Variants in MSRB3 observed in about 807,000 individuals in gnomAD.
The protein encoded by MSRB3 is methionine-R-sulfoxide reductase B3.
Under a neutral mutation model 21.0 loss-of-function variants are expected in MSRB3, and 13 were observed. That is an observed-to-expected ratio of 0.62 (90% CI 0.40 to 0.98). The LOEUF (loss-of-function observed/expected upper bound fraction) is 0.98. MSRB3 is among the 50% of genes least tolerant of loss of function. The probability of loss-of-function intolerance (pLI) is 0.00; values close to 1 mark genes in which losing one functional copy is unlikely to be tolerated. For missense variants in MSRB3, 199 were observed against 230.3 expected, an observed-to-expected ratio of 0.86 and a Z score of 0.88; for synonymous variants, 87 against 88.6, an observed-to-expected ratio of 0.98 and a Z score of 0.10.
chr12:65,302,365 A>G (rs1186100927), intron 1 of MSRB3, among the ~76,000 whole-genome samples: 1 of 152,142 alleles, frequency 6.6e-6, no homozygotes, highest in Non-Finnish European at 1.5e-5. Context: ...GCTGGAAGCA[A>G]TTCTCTTTCC....
chr12:65,278,763 C>T lies in MSRB3; in HGVS notation c.-154C>T, dbSNP rs1358892818. ...CGGACACCGGCGGCGGCTGCCTGGCCTTTCCATGAGCCCGCGGCGGACCCT... is the reference window on the plus strand; with the variant it reads ...CGGACACCGGCGGCGGCTGCCTGGCTTTTCCATGAGCCCGCGGCGGACCCT... On this transcript the variant is annotated 5_prime_UTR_variant, in exon 1 of 7. Transcript: ENST00000308259. The T allele has an allele frequency of 2.3e-5, 37 of 1,578,374 alleles. No individual in the cohort carries two copies. The highest frequency in any genetic ancestry group is 3.1e-5 in the Non-Finnish European group (36 of 1,163,792).
chr12:65,292,850 A>G (rs1202257022), intron 1 of MSRB3, among the ~76,000 whole-genome samples: 2 of 152,244 alleles, frequency 1.3e-5, no homozygotes, highest in East Asian at 1.9e-4. Flanking sequence ...AGCCAACCTG[A>G]GAAATACTGG....
At chr12:65,391,358 C>G (rs1281721110) in intron 5 of MSRB3, among the ~76,000 whole-genome samples, 1 of 152,190 alleles carries the variant, frequency 6.6e-6, no homozygotes, top group Admixed American at 6.5e-5. Context: ...GAGTTGGCTC[C>G]TTCCCCAGAA....
At position 65,353,688 on chromosome 12, in the gene MSRB3, G is replaced by A. The variant is rs1171190606; in HGVS notation, c.264-15310G>A. On this transcript the variant is annotated intron_variant, in intron 4 of 6. Coordinates refer to ENST00000308259, the MANE Select transcript of MSRB3 (RefSeq NM_001031679.3). ...TCTTGACTCTTTATCCAATTTGCCA[G>A]TCTGTGTCTTTTCATTGGAGCATTT... 3.3e-5 allele frequency among the ~76,000 whole-genome samples: 5 copies of A among 152,110 alleles called. No individual in the cohort carries two copies. In the South Asian group the frequency reaches 1.0e-3, roughly 32 times the overall value.
chr12:65,340,705 G>A (rs1264747188), intron 4 of MSRB3, among the ~76,000 whole-genome samples: 1 of 151,940 alleles, frequency 6.6e-6, no homozygotes, highest in Non-Finnish European at 1.5e-5. Context: ...AAGAAAGAAG[G>A]GAGGAAAAGT....
chr12:65,332,206 C>T (rs1180423494), intron 4 of MSRB3, among the ~76,000 whole-genome samples: 1 of 152,098 alleles, frequency 6.6e-6, no homozygotes, highest in Non-Finnish European at 1.5e-5. Flanking sequence ...CAAAACCACT[C>T]ACTAGTCTAG....
chr12:65,375,801 CT>C (rs901816220), intron 5 of MSRB3, among the ~76,000 whole-genome samples: 77 of 145,650 alleles, frequency 5.3e-4, no homozygotes, highest in East Asian at 1.2e-3. Context: ...ACTTAGGAAG[CT>C]TTTTTTTTTT....
chr12:65,465,125 A>G lies in MSRB3; in HGVS notation c.*1803A>G, dbSNP rs1485171726. The G allele has an allele frequency of 6.6e-6, 1 of 152,272 alleles. No homozygotes were observed. The highest frequency in any genetic ancestry group is 2.4e-5 in the African/African-American group (1 of 41,474). The allele number at this position is 152,272 out of a possible 1,614,324, so 9.4% of individuals were successfully genotyped here. ...TGATTGGTATGGAAACAGTTGGGCC[A>G]AGAGCCAGAATTTCCCTTTGTAGCA... On this transcript the variant is annotated 3_prime_UTR_variant, in exon 7 of 7. Transcript: ENST00000308259.
chr12:65,433,928 T>C lies in MSRB3; in HGVS notation c.293-19800T>C, dbSNP rs563549427. On this transcript the variant is annotated intron_variant, in intron 5 of 6. Coordinates refer to ENST00000308259, the MANE Select transcript of MSRB3 (RefSeq NM_001031679.3). ...GAACCACCTGATCTGCAGGGAGTAC[T>C]TGATCTCTTCCTTTATTTTCAAAGA... 1.1e-4 allele frequency among the ~76,000 whole-genome samples: 17 copies of C among 151,996 alleles called. No homozygotes were observed. The South Asian group carries it at 3.3e-3, about 30-fold the overall frequency.
intron 4 of MSRB3, among the ~76,000 whole-genome samples, chr12:65,339,405 T>G (rs1274846642): frequency 6.6e-6 from 1 of 152,236 alleles, no homozygotes; most frequent in Non-Finnish European, 1.5e-5. Flanking sequence ...GAATGGTAAA[T>G]CTAGCTCTAA....
chr12:65,423,121 C>T (rs145885482), intron 5 of MSRB3, among the ~76,000 whole-genome samples: 23 of 151,886 alleles, frequency 1.5e-4, no homozygotes, highest in Non-Finnish European at 3.4e-4. Flanking sequence ...TGCCACCATG[C>T]CTGACTAATT....
At chr12:65,420,273 T>G (rs1881217744) in intron 5 of MSRB3, among the ~76,000 whole-genome samples, 1 of 152,182 alleles carries the variant, frequency 6.6e-6, no homozygotes, top group African/African-American at 2.4e-5. Flanking sequence ...GCCAGTACCA[T>G]GCTGTTTTGT....
intron 5 of MSRB3, among the ~76,000 whole-genome samples, chr12:65,431,856 G>T (rs892000540): frequency 1.3e-5 from 2 of 152,064 alleles, no homozygotes; most frequent in African/African-American, 4.8e-5. Flanking sequence ...AGTATGCACA[G>T]AAGAGACTGA....
chr12:65,330,968 G>A (rs552502815), intron 4 of MSRB3, among the ~76,000 whole-genome samples: 2 of 151,800 alleles, frequency 1.3e-5, no homozygotes, highest in Non-Finnish European at 2.9e-5. Flanking sequence ...TCTTTTTTTC[G>A]GACACAGAAT....
chr12:65,412,703 G>C (rs1880779119), intron 5 of MSRB3, among the ~76,000 whole-genome samples: 1 of 152,044 alleles, frequency 6.6e-6, no homozygotes, highest in Non-Finnish European at 1.5e-5. Flanking sequence ...CAGTCTCTAT[G>C]GTAAGTTGTT....
intron 5 of MSRB3, among the ~76,000 whole-genome samples, chr12:65,425,923 CTT>C (rs1287144262): frequency 6.6e-6 from 1 of 152,052 alleles, no homozygotes; most frequent in African/African-American, 2.4e-5. Context: ...GTGGTGTGAT[CTT>C]GGCTCACTGA....
chr12:65,449,821 G>A (rs148801789), intron 5 of MSRB3, among the ~76,000 whole-genome samples: 7 of 152,220 alleles, frequency 4.6e-5, no homozygotes, highest in African/African-American at 1.4e-4. Flanking sequence ...AGGACAATGA[G>A]GGCCACATTT....
At chr12:65,330,230 A>AT (rs1875320624) in intron 4 of MSRB3, among the ~76,000 whole-genome samples, 1 of 152,170 alleles carries the variant, frequency 6.6e-6, no homozygotes, top group Non-Finnish European at 1.5e-5. Flanking sequence ...CCCTTGTGAG[A>AT]TTTTTGAGTC....
intron 5 of MSRB3, among the ~76,000 whole-genome samples, chr12:65,390,891 A>G (rs1191581188): frequency 6.6e-6 from 1 of 152,216 alleles, no homozygotes; most frequent in Admixed American, 6.5e-5. Context: ...ACATGTATTC[A>G]GAAATATAAA....
Sources: allele counts gnomAD v4.1 joint callset (sites outside exome capture counted in the v4.1 genomes callset), GRCh38; gene constraint gnomAD v4.1.1; transcripts MANE v1.5; gene names NCBI Gene and HGNC (gene_info 2026-07-23, HGNC 2026-07-21).